Variants in NKAIN2 observed in about 807,000 individuals in gnomAD.
NKAIN2 encodes sodium/potassium transporting ATPase interacting 2, also known as sodium/potassium-transporting ATPase subunit beta-1-interacting protein 2.
A neutral mutation model predicts 32.6 loss-of-function variants in NKAIN2; 14 were observed. That is an observed-to-expected ratio of 0.43 (90% CI 0.28 to 0.67). The LOEUF (loss-of-function observed/expected upper bound fraction) is 0.67, where lower values mean the gene tolerates loss of function less well. NKAIN2 is among the 30% of genes least tolerant of loss of function. The pLI is 0.17. For synonymous variants in NKAIN2, 80 were observed against 87.2 expected, an observed-to-expected ratio of 0.92 and a Z score of 0.46; for missense variants, 198 against 258.3, an observed-to-expected ratio of 0.77 and a Z score of 1.60.
intron 1 of NKAIN2, among the ~76,000 whole-genome samples, chr6:124,165,144 A>G (rs1334798692): frequency 6.6e-6 from 1 of 152,056 alleles, no homozygotes; most frequent in Non-Finnish European, 1.5e-5. Context: ...TGTGGCTCTT[A>G]TATTTTTGGT....
Position 124,220,200 on chromosome 6 carries a change from TTCTCCTTCTCTTTCTCACTATC to T in NKAIN2, c.55-62776_55-62755del, listed in dbSNP as rs577442998. On this transcript the variant is annotated intron_variant, in intron 1 of 6. Transcript: ENST00000368417. ...AAACTGCTGGTTTTATAAGGGGCTC[TTCTCCTTCTCTTTCTCACTATC>T]TCTCCTTCTCTTTCTCACTATCTCT... is the stretch of plus-strand genomic sequence containing the variant. Among the ~76,000 whole-genome samples, 396 of 152,206 alleles carry T rather than the reference TTCTCCTTCTCTTTCTCACTATC, an allele frequency of 2.6e-3. 1 individual carries two copies. The highest frequency in any genetic ancestry group is 8.8e-3 in the African/African-American group (367 of 41,524).
intron 1 of NKAIN2, among the ~76,000 whole-genome samples, chr6:123,898,508 T>C (rs1264340489): frequency 6.6e-6 from 1 of 151,906 alleles, no homozygotes; most frequent in African/African-American, 2.4e-5. Context: ...TCAACATTGT[T>C]TGGGTGCAAA....
intron 4 of NKAIN2, among the ~76,000 whole-genome samples, chr6:124,695,360 T>C (rs973223848): frequency 1.3e-5 from 2 of 152,118 alleles, no homozygotes; most frequent in African/African-American, 4.8e-5. Flanking sequence ...TCAAAACTCA[T>C]TTAAGGGTTT....
chr6:124,821,495 A>G (rs891851573), intron 6 of NKAIN2, among the ~76,000 whole-genome samples: 1 of 152,150 alleles, frequency 6.6e-6, no homozygotes, highest in Non-Finnish European at 1.5e-5. Flanking sequence ...TTAAATTCAA[A>G]TCAAGCATTT....
chr6:124,799,866 A>G (rs1447084814), intron 5 of NKAIN2, among the ~76,000 whole-genome samples: 1 of 152,192 alleles, frequency 6.6e-6, no homozygotes, highest in African/African-American at 2.4e-5. Flanking sequence ...GCAGACCCCC[A>G]CAGCCTACCA....
At chr6:123,899,440 T>C (rs777666711) in intron 1 of NKAIN2, among the ~76,000 whole-genome samples, 43 of 152,216 alleles carry the variant, frequency 2.8e-4, no homozygotes, top group Non-Finnish European at 4.8e-4. Flanking sequence ...TTAGAATTCA[T>C]GATCACAGTA....
chr6:124,575,434 G>A (rs1781294799), intron 3 of NKAIN2, among the ~76,000 whole-genome samples: 1 of 152,170 alleles, frequency 6.6e-6, no homozygotes, highest in Admixed American at 6.5e-5. Context: ...AATGGTGCAA[G>A]CCTAGTTCTC....
intron 1 of NKAIN2, among the ~76,000 whole-genome samples, chr6:123,951,738 T>C (rs1407442295): frequency 1.3e-5 from 2 of 151,878 alleles, no homozygotes; most frequent in Non-Finnish European, 1.5e-5. Context: ...ATGTATCTTT[T>C]AAGTGGAAAA....
At position 124,517,943 on chromosome 6, in the gene NKAIN2, C is replaced by G. The variant is rs1337709339; in HGVS notation, c.274-140243C>G. On this transcript the variant is annotated intron_variant, in intron 3 of 6. Coordinates refer to ENST00000368417, the MANE Select transcript of NKAIN2 (RefSeq NM_001040214.3). Reference sequence around the variant, plus strand: ...TGAAGTAATTTAAACCTTCATGTTACATTGACTACACTTTTGCATTGTCAA... The same window carrying G: ...TGAAGTAATTTAAACCTTCATGTTAGATTGACTACACTTTTGCATTGTCAA... Among the ~76,000 whole-genome samples the G allele has an allele frequency of 2.0e-5, 3 of 152,018 alleles. No individual in the cohort carries two copies. In the East Asian group the frequency reaches 5.8e-4, roughly 29 times the overall value.
intron 1 of NKAIN2, among the ~76,000 whole-genome samples, chr6:123,935,352 T>G (rs1034139542): frequency 6.6e-6 from 1 of 151,616 alleles, no homozygotes; most frequent in African/African-American, 2.4e-5. Context: ...TCAAAGCCAT[T>G]AATTTATAAA....
intron 3 of NKAIN2, chr6:124,490,258 G>T (rs1243286500): frequency 2.7e-6 from 1 of 371,670 alleles, no homozygotes; most frequent in Non-Finnish European, 5.2e-6. Flanking sequence ...TCCCTGTAGG[G>T]TATGTTATCA....
At chr6:124,571,416 G>A (rs1390102205) in intron 3 of NKAIN2, among the ~76,000 whole-genome samples, 2 of 152,194 alleles carry the variant, frequency 1.3e-5, no homozygotes, top group Non-Finnish European at 2.9e-5. Context: ...GAATTCCCAC[G>A]TGTTGTGGGA....
At position 124,293,765 on chromosome 6, in the gene NKAIN2, C is replaced by T. The variant is rs180805143; in HGVS notation, c.192+10623C>T. On this transcript the variant is annotated intron_variant, in intron 2 of 6. Coordinates refer to ENST00000368417, the MANE Select transcript of NKAIN2 (RefSeq NM_001040214.3). Reference sequence around the variant, plus strand: ...ACTGGGTTGGTCTTTTTTCTGCATACCCTTTTTTGCTCATTTCATGTATTA... The same window carrying T: ...ACTGGGTTGGTCTTTTTTCTGCATATCCTTTTTTGCTCATTTCATGTATTA... Among the ~76,000 whole-genome samples the T allele has an allele frequency of 1.9e-3, 285 of 152,064 alleles. 1 individual carries two copies. Among genetic ancestry groups the T allele is most frequent in the Admixed American group, 6.6e-3 (101 of 15,250 alleles).
intron 1 of NKAIN2, among the ~76,000 whole-genome samples, chr6:123,953,367 C>G (rs907410420): frequency 6.6e-6 from 1 of 152,112 alleles, no homozygotes; most frequent in Non-Finnish European, 1.5e-5. Context: ...CCAGGTGGCT[C>G]GCTCAGATTT....
chr6:124,700,871 GAC>G (rs143125409), intron 4 of NKAIN2, among the ~76,000 whole-genome samples: 153 of 145,234 alleles, frequency 1.1e-3, no homozygotes, highest in South Asian at 4.8e-3. Flanking sequence ...TCTCTTTCCT[GAC>G]ACACACACAC....
At chr6:124,173,141 T>C (rs1582789661) in intron 1 of NKAIN2, among the ~76,000 whole-genome samples, 1 of 152,240 alleles carries the variant, frequency 6.6e-6, no homozygotes. Context: ...ATATTTCAAA[T>C]TGTCTAATTG....
intron 1 of NKAIN2, among the ~76,000 whole-genome samples, chr6:123,972,159 T>C (rs114686380): frequency 0.012 from 1,783 of 152,324 alleles, 34 homozygotes; most frequent in African/African-American, 0.039. Context: ...CAGTACATAA[T>C]ACATAGAATA....
intron 1 of NKAIN2, among the ~76,000 whole-genome samples, chr6:124,137,049 T>C (rs910531478): frequency 2.0e-5 from 3 of 152,052 alleles, no homozygotes; most frequent in African/African-American, 7.2e-5. Flanking sequence ...GGCATCTAAA[T>C]TGGAAAAACA....
At chr6:124,808,816 C>T (rs1480669176) in intron 5 of NKAIN2, among the ~76,000 whole-genome samples, 3 of 152,176 alleles carry the variant, frequency 2.0e-5, no homozygotes, top group Non-Finnish European at 4.4e-5. Flanking sequence ...TACAAAATCA[C>T]AAGCATTCTT....
Sources: gnomAD v4.1 joint callset for allele counts (sites outside exome capture counted in the v4.1 genomes callset) on GRCh38, gnomAD v4.1.1 for gene constraint, MANE v1.5 for transcripts, NCBI Gene and HGNC (gene_info 2026-07-23, HGNC 2026-07-21) for gene names.